Variants in JHY observed in about 807,000 individuals in gnomAD.
JHY encodes the protein jhy protein homolog.
JHY carries 69 observed loss-of-function variants against 78.0 expected under a neutral mutation model. The ratio of observed to expected loss-of-function variants is 0.88; its 90% CI spans 0.73 to 1.08. The LOEUF (loss-of-function observed/expected upper bound fraction) is 1.08. Among genes scored for constraint, JHY ranks in the 50% least tolerant of loss-of-function variants. The pLI, the probability that JHY is intolerant of heterozygous loss-of-function variation, is 0.00. For synonymous variants in JHY, 368 were observed against 342.6 expected (o/e 1.07, Z -0.82); for missense variants, 944 against 927.8 (o/e 1.02, Z -0.23).
Position 122,957,467 on chromosome 11 carries a change from G to A in JHY, c.2115G>A (p.Lys705=), listed in dbSNP as rs763622281. The change falls in exon 8 of 9, where the codon AAG becomes AAA. Residue 705 remains lysine (K), a synonymous_variant. Coordinates refer to ENST00000227349, the MANE Select transcript of JHY (RefSeq NM_024806.4). ...AACCACAAACAGAAAAAACTCAAAA[G>A]AAATCTGCTATCCCTCGGCAGAAGG... ...LSKPQTEKTQ[K]KSAIPRQKAL... 1.4e-5 allele frequency: 21 copies of A among 1,514,624 alleles called. No homozygotes were observed. The highest frequency in any genetic ancestry group is 1.8e-5 in the Non-Finnish European group (21 of 1,140,436). The allele number at this position is 1,514,624 out of a possible 1,614,324, so 93.8% of individuals were successfully genotyped here.
intron 2 of JHY, 73 bp from the exon 3 acceptor site, chr11:122,903,852 A>T: frequency 1.3e-6 from 2 of 1,491,360 alleles, no homozygotes; most frequent in South Asian, 1.4e-5. Context: ...ATTTCAAATA[A>T]AATGTTCAAC....
At chr11:122,925,440 C>T (rs1863475533) in intron 4 of JHY, among the ~76,000 whole-genome samples, 1 of 152,188 alleles carries the variant, frequency 6.6e-6, no homozygotes, top group African/African-American at 2.4e-5. Flanking sequence ...CAGAGCCTCA[C>T]CAAACCCTCA....
intron 2 of JHY, among the ~76,000 whole-genome samples, chr11:122,902,322 C>T (rs924087742): frequency 6.6e-6 from 1 of 151,548 alleles, no homozygotes; most frequent in East Asian, 1.9e-4. Context: ...AAAATTAGCC[C>T]GACATGTTAA....
In JHY at chr11:122,917,866, T is replaced by C. The variant is rs1244909738; in HGVS notation, c.865-7031T>C. On this transcript the variant is annotated intron_variant, in intron 3 of 8. Transcript: ENST00000227349. This position sits in a 1 kb window ranked among gnomAD's most constrained non-coding sequence, Gnocchi z 4.1. ...TCTTTCACATTCTTAAAAATGGCCA[T>C]TATTCATTTAGCATATATTTATTTA... Among the ~76,000 whole-genome samples, 1 of 151,964 alleles carries C rather than the reference T, an allele frequency of 6.6e-6. No homozygotes were observed. Among genetic ancestry groups the C allele is most frequent in the Non-Finnish European group, 1.5e-5 (1 of 68,012 alleles).
intron 2 of JHY, among the ~76,000 whole-genome samples, chr11:122,900,566 A>G (rs182213824): frequency 1.2e-4 from 14 of 120,442 alleles, no homozygotes; most frequent in African/African-American, 4.6e-4. Flanking sequence ...ACAAATTGAG[A>G]TTGTCATGGG....
chr11:122,945,953 G>A (rs1340807757), intron 5 of JHY, among the ~76,000 whole-genome samples: 1 of 152,082 alleles, frequency 6.6e-6, no homozygotes, highest in East Asian at 1.9e-4. Flanking sequence ...TCAAGTTATA[G>A]TCTTCTTACA....
chr11:122,944,997 A>G (rs1863936030), intron 5 of JHY, among the ~76,000 whole-genome samples: 1 of 151,998 alleles, frequency 6.6e-6, no homozygotes, highest in Non-Finnish European at 1.5e-5. Flanking sequence ...CTCTTCTATA[A>G]TTCCTAAATC....
In JHY at chr11:122,918,811, G is replaced by A. The variant is rs537300699; in HGVS notation, c.865-6086G>A. 4.0e-5 allele frequency among the ~76,000 whole-genome samples: 6 copies of A among 149,932 alleles called. No individual in the cohort carries two copies. The East Asian group carries it at 7.7e-4, about 19-fold the overall frequency. On this transcript the variant is annotated intron_variant, in intron 3 of 8. Coordinates refer to ENST00000227349, the MANE Select transcript of JHY (RefSeq NM_024806.4). ...AGCATAGCACAGGTGAGTAGTACCC[G>A]TAGAGCTATACAGCAAGACAGCCCT...
chr11:122,952,266 G>C (rs1217797085), intron 6 of JHY, among the ~76,000 whole-genome samples: 2 of 152,078 alleles, frequency 1.3e-5, no homozygotes, highest in Admixed American at 6.5e-5. Flanking sequence ...GAAAACCATT[G>C]TATTGTACAA....
Position 122,885,986 on chromosome 11 carries a change from A to T in JHY, c.137A>T (p.Asp46Val), listed in dbSNP as rs1214582711. The T allele has an allele frequency of 6.2e-7, 1 of 1,614,226 alleles. No individual in the cohort carries two copies. The highest frequency in any genetic ancestry group is 1.7e-5 in the Admixed American group (1 of 60,016). The change falls in exon 2 of 9, where the codon GAT becomes GTT. Residue 46 changes from aspartate (D) to valine (V), a missense_variant. Coordinates refer to ENST00000227349, the MANE Select transcript of JHY (RefSeq NM_024806.4). ...ATTTCAAAAGACTCCTTGGAATCTG[A>T]TTCAGAAAGCCTCACGCAAGAGATT... Reference protein sequence around the residue: ...HRISKDSLESDSESLTQEIMC... With the variant: ...HRISKDSLESVSESLTQEIMC...
At chr11:122,929,750 G>C (rs1863598999) in intron 4 of JHY, among the ~76,000 whole-genome samples, 1 of 152,194 alleles carries the variant, frequency 6.6e-6, no homozygotes, top group Non-Finnish European at 1.5e-5. Flanking sequence ...ATATTTGTTT[G>C]TTTATGTGTG....
In JHY at chr11:122,961,598, G is replaced by T. The variant is rs527373902; in HGVS notation, c.*2153G>T. ...TTGAACTCCTGATCTCAGGTGATCC[G>T]CCCACCTTGGCCTTCCAAAGTGCTG... On this transcript the variant is annotated 3_prime_UTR_variant, in exon 9 of 9. Coordinates refer to ENST00000227349, the MANE Select transcript of JHY (RefSeq NM_024806.4). Among the ~76,000 whole-genome samples the T allele has an allele frequency of 2.0e-5, 3 of 152,196 alleles. No individual in the cohort carries two copies. Among genetic ancestry groups the T allele is most frequent in the Admixed American group, 2.0e-4 (3 of 15,284 alleles).
chr11:122,912,218 C>T (rs534723459), intron 3 of JHY, among the ~76,000 whole-genome samples: 516 of 145,428 alleles, frequency 3.5e-3, no homozygotes, highest in Middle Eastern at 0.011. Context: ...ACCTGGGAGG[C>T]GGAGGTTGCA....
chr11:122,937,814 C>T (rs888533422), intron 5 of JHY, among the ~76,000 whole-genome samples: 3 of 152,140 alleles, frequency 2.0e-5, no homozygotes, highest in African/African-American at 7.2e-5. Context: ...GAACATCCTC[C>T]ATTGCTTGAG....
intron 3 of JHY, among the ~76,000 whole-genome samples, chr11:122,915,040 A>ATTT (rs1317332753): frequency 1.3e-5 from 2 of 152,014 alleles, no homozygotes; most frequent in Non-Finnish European, 2.9e-5. Context: ...TTGAAGAGGG[A>ATTT]TCCATAAGAA....
At position 122,935,240 on chromosome 11, in the gene JHY, CTTT is replaced by C. The variant is rs113946401; in HGVS notation, c.1634+176_1634+178del. Among the ~76,000 whole-genome samples the C allele has an allele frequency of 2.8e-5, 4 of 143,666 alleles. No homozygotes were observed. Among genetic ancestry groups the C allele is most frequent in the Non-Finnish European group, 6.1e-5 (4 of 65,070 alleles). The allele number at this position is 143,666 out of a possible 152,430, so 94.3% of individuals were successfully genotyped here. A position where few individuals can be genotyped will look rare whatever the true frequency, so the allele number is the denominator to read the frequency against. On this transcript the variant is annotated intron_variant, in intron 5 of 8. Coordinates refer to ENST00000227349, the MANE Select transcript of JHY (RefSeq NM_024806.4). This position sits in a 1 kb window ranked among gnomAD's most constrained non-coding sequence, Gnocchi z 4.5. ...TCTGATTCCTGCCTCAAAGAGTCCACTTTTTTTTTTTTTAGACAGATTCTTGCT... is the reference window on the plus strand; with the variant it reads ...TCTGATTCCTGCCTCAAAGAGTCCACTTTTTTTTTTAGACAGATTCTTGCT...
At chr11:122,930,401 C>G (rs1863613073) in intron 4 of JHY, among the ~76,000 whole-genome samples, 1 of 152,110 alleles carries the variant, frequency 6.6e-6, no homozygotes, top group African/African-American at 2.4e-5. Flanking sequence ...AGGATTTAAC[C>G]AGAGGATGTA....
intron 3 of JHY, among the ~76,000 whole-genome samples, chr11:122,907,185 G>A (rs1275782020): frequency 1.3e-5 from 2 of 151,848 alleles, no homozygotes; most frequent in Non-Finnish European, 2.9e-5. Flanking sequence ...AGATGAGTTT[G>A]ACCTAACAGT....
intron 2 of JHY, among the ~76,000 whole-genome samples, chr11:122,903,622 G>A (rs886954999): frequency 6.6e-6 from 1 of 152,056 alleles, no homozygotes; most frequent in Non-Finnish European, 1.5e-5. Context: ...GGGACTACAG[G>A]TACGACACCA....
Sources: allele counts gnomAD v4.1 joint callset (sites outside exome capture counted in the v4.1 genomes callset), GRCh38; gene constraint gnomAD v4.1.1; non-coding constraint Gnocchi (gnomAD v3.1); transcripts MANE v1.5; gene names NCBI Gene and HGNC (gene_info 2026-07-23, HGNC 2026-07-21).